The following GLI1 variants were observed in gnomAD, a reference collection of about 807,000 sequenced individuals.
GLI1 encodes the protein transcription activator GLI1.
In GLI1, 51 loss-of-function variants were observed where a neutral mutation model predicts 87.8. The observed-to-expected ratio is 0.58, with a 90% CI of 0.46 to 0.73. GLI1 has a LOEUF of 0.73. GLI1 is among the 30% of genes least tolerant of loss of function. The pLI is 0.00. For missense variants in GLI1, 1,292 were observed against 1,437.2 expected, an observed-to-expected ratio of 0.90 and a Z score of 1.63; for synonymous variants, 528 against 558.2, an observed-to-expected ratio of 0.95 and a Z score of 0.76.
rs764236015 is a variant in GLI1, at chr12:57,465,141, T to A, written c.420T>A (p.Asn140Lys). 1 of 1,614,174 alleles carries A rather than the reference T, an allele frequency of 6.2e-7. No individual in the cohort carries two copies. The highest frequency in any genetic ancestry group is 8.5e-7 in the Non-Finnish European group (1 of 1,179,980). Residue 140 changes from asparagine to lysine, a missense_variant, in exon 5 of 12, where the codon AAT (asparagine) becomes AAA (lysine). Transcript: ENST00000228682. ...CTCTGGGATTCCCAGCCCAGATGAA[T>A]CACCAAAAAGGGCCCTCGCCTTCCT... is the stretch of plus-strand genomic sequence containing the variant. ...SPSLGFPAQM[N>K]HQKGPSPSFG...
chr12:57,466,369 G>C lies in GLI1; in HGVS notation c.892G>C (p.Glu298Gln), dbSNP rs374948623. The C allele has an allele frequency of 6.2e-7, 1 of 1,613,480 alleles. No homozygotes were observed. Among genetic ancestry groups the C allele is most frequent in the Non-Finnish European group, 8.5e-7 (1 of 1,179,648 alleles). ...LVVHMRRHTG[E>Q]KPHKCTFEGC... ...GGTTCACATGCGCAGACACACTGGC[G>C]AGAAGCCACACAAGTGCACGGTGAG... Residue 298 changes from glutamate to glutamine, a missense_variant, in exon 8 of 12, where the codon GAG (glutamate) becomes CAG (glutamine). Around this residue, in one of 3 missense-constraint regions of GLI1, gnomAD observed 12 missense variants for 28.1 expected, o/e 0.43. Coordinates refer to ENST00000228682, the MANE Select transcript of GLI1 (RefSeq NM_005269.3).
chr12:57,465,734 A>G, intron 6 of GLI1, 38 bp downstream of exon 6: 2 of 1,613,852 alleles, frequency 1.2e-6, no homozygotes, highest in Non-Finnish European at 1.7e-6. Flanking sequence ...CTGGGACCTG[A>G]GCAAAACTAA....
In GLI1 at chr12:57,469,536, G is replaced by A; in HGVS notation, c.1414G>A (p.Gly472Arg). ...TGGTGTGGAAATGACTGGCAATGCAGGGGGCAGCACTGAAGACCTCTCCAG... is the reference window on the plus strand; with the variant it reads ...TGGTGTGGAAATGACTGGCAATGCAAGGGGCAGCACTGAAGACCTCTCCAG... ...DSGVEMTGNAGGSTEDLSSLD... is the reference protein window; with the variant it reads ...DSGVEMTGNARGSTEDLSSLD... Residue 472 changes from glycine (G) to arginine (R), a missense_variant, in exon 11 of 12, where the codon GGG (glycine) becomes AGG (arginine). Physicochemically the swap from Gly to Arg is moderately radical, Grantham distance 125 (BLOSUM62 -2). Transcript: ENST00000228682. 6.2e-7 allele frequency: 1 copy of A among 1,614,116 alleles called. No homozygotes were observed.
rs1486673896 is a variant in GLI1, at chr12:57,466,295, G to A, written c.818G>A (p.Gly273Glu). ...CGGAAGGAGTTCGTGTGCCACTGGG[G>A]GGGCTGCTCCAGGGAGCTGAGGCCC... is the stretch of plus-strand genomic sequence containing the variant. Reference protein sequence around the residue: ...GERKEFVCHWGGCSRELRPFK... With the variant: ...GERKEFVCHWEGCSRELRPFK... The change falls in exon 8 of 12, where the codon GGG becomes GAG. Residue 273 changes from glycine to glutamate, a missense_variant. Gly to Glu is a moderately conservative substitution (Grantham distance 98). Coordinates refer to ENST00000228682, the MANE Select transcript of GLI1 (RefSeq NM_005269.3). The A allele has an allele frequency of 1.2e-6, 2 of 1,614,048 alleles. No homozygotes were observed. The highest frequency in any genetic ancestry group is 1.7e-6 in the Non-Finnish European group (2 of 1,179,970).
chr12:57,465,757 A>G (rs754374678), intron 6 of GLI1, 31 bp from the exon 7 acceptor site: 11 of 1,613,926 alleles, frequency 6.8e-6, no homozygotes, highest in East Asian at 6.7e-5. Flanking sequence ...CTGTCACCCA[A>G]GTGACCCTGA....
chr12:57,460,307 C>T (rs1871049249), intron 1 of GLI1, 106 bp downstream of exon 1: 1 of 152,226 alleles, frequency 6.6e-6, no homozygotes, highest in African/African-American at 2.4e-5. Flanking sequence ...GACATAGAGG[C>T]AAAATAGGGG....
chr12:57,468,449 T>C (rs1359787304), intron 10 of GLI1, among the ~76,000 whole-genome samples: 1 of 152,036 alleles, frequency 6.6e-6, no homozygotes, highest in Non-Finnish European at 1.5e-5. Context: ...CTTCCTTCCT[T>C]CTTTCCTTCT....
intron 7 of GLI1, 82 bp from the exon 8 acceptor site, chr12:57,466,158 G>A (rs1350409571): frequency 3.5e-6 from 5 of 1,431,492 alleles, no homozygotes; most frequent in Non-Finnish European, 3.8e-6. Flanking sequence ...CGTGGAAGAG[G>A]AACAGGGGGT....
Position 57,471,139 on chromosome 12 carries a change from A to T in GLI1, c.2399A>T (p.Tyr800Phe), listed in dbSNP as rs1871891490. Residue 800 changes from tyrosine to phenylalanine, a missense_variant, in exon 12 of 12, where the codon TAC becomes TTC. Coordinates refer to ENST00000228682, the MANE Select transcript of GLI1 (RefSeq NM_005269.3). This position sits in a 1 kb window ranked among gnomAD's most constrained non-coding sequence, Gnocchi z 4.9. ...YPGPKALGGT[Y>F]SQCPRLEHYG... ...GGCCCCAAGGCTCTAGGTGGAACCT[A>T]CAGCCAGTGTCCTCGACTTGAACAT... 1.9e-6 allele frequency: 3 copies of T among 1,612,816 alleles called. No individual in the cohort carries two copies. The East Asian group carries it at 6.7e-5, about 36-fold the overall frequency.
rs1262535127 is a variant in GLI1, at chr12:57,471,038, T to C, written c.2298T>C (p.Cys766=). ...GPPTNYGPNP[C]PQQASYPDPT... ...CCACCAACTATGGCCCCAACCCCTGTCCCCAGCAGGCCTCATATCCTGACC... is the reference window on the plus strand; with the variant it reads ...CCACCAACTATGGCCCCAACCCCTGCCCCCAGCAGGCCTCATATCCTGACC... The change falls in exon 12 of 12, where the codon TGT becomes TGC. Residue 766 remains cysteine, a synonymous_variant. Coordinates refer to ENST00000228682, the MANE Select transcript of GLI1 (RefSeq NM_005269.3). This position sits in a 1 kb window ranked among gnomAD's most constrained non-coding sequence, Gnocchi z 4.9. 6.2e-7 allele frequency: 1 copy of C among 1,610,688 alleles called. No homozygotes were observed. The highest frequency in any genetic ancestry group is 1.1e-5 in the South Asian group (1 of 90,614).
intron 10 of GLI1, among the ~76,000 whole-genome samples, chr12:57,468,434 C>G (rs1281449134): frequency 1.3e-5 from 2 of 151,874 alleles, no homozygotes; most frequent in Admixed American, 6.6e-5. Context: ...CTCTTTCTCT[C>G]TCTCCTTCCT....
intron 1 of GLI1, among the ~76,000 whole-genome samples, chr12:57,463,311 A>G (rs958026439): frequency 6.6e-6 from 1 of 152,100 alleles, no homozygotes. Context: ...TCCGCCTCCC[A>G]GGTTCAAGCG....
intron 9 of GLI1, among the ~76,000 whole-genome samples, chr12:57,467,757 T>C (rs1871593224): frequency 6.6e-6 from 1 of 152,146 alleles, no homozygotes; most frequent in Non-Finnish European, 1.5e-5. Flanking sequence ...AACCCCTGGA[T>C]TTATGGGACC....
In GLI1 at chr12:57,465,648, G is replaced by A. The variant is rs2228225; in HGVS notation, c.576G>A (p.Glu192=). The A allele has an allele frequency of 0.58, 928,275 of 1,613,246 alleles. 278,212 individuals carry two copies. Among genetic ancestry groups the A allele is most frequent in the Middle Eastern group, 0.65 (3,944 of 6,062 alleles). Residue 192 remains glutamate (E), a synonymous_variant, in exon 6 of 12, where the codon GAG becomes GAA. Transcript: ENST00000228682. The part of the protein sequence containing the change: ...ELDMLVGKCR[E]EPLEGDMSSP... ...ACATGCTGGTTGGCAAGTGCCGGGA[G>A]GAACCCTTGGAAGGTGATATGTCCA... is the stretch of plus-strand genomic sequence containing the variant.
rs778646808 is a variant in GLI1, at chr12:57,464,069, A to T, written c.171A>T (p.Arg57Ser). 3.7e-6 allele frequency: 6 copies of T among 1,611,438 alleles called. No individual in the cohort carries two copies. The highest frequency in any genetic ancestry group is 1.7e-4 in the Middle Eastern group (1 of 6,052). ...GCCCCCACAGTTATGGGCCAGCCAG[A>T]GAGACCAACAGCTGCACCGAGGGTG... ...MSGPHSYGPA[R>S]ETNSCTEGPL... Residue 57 changes from arginine to serine, a missense_variant, in exon 3 of 12, where the codon AGA becomes AGT. Arg to Ser is a moderately radical substitution (Grantham distance 110). Around this residue, in one of 3 missense-constraint regions of GLI1, gnomAD observed 383 missense variants for 368.4 expected, o/e 1.04. Transcript: ENST00000228682.
rs1238490848 is a variant in GLI1, at chr12:57,468,096, A to C, written c.1180A>C (p.Thr394Pro). The C allele has an allele frequency of 6.2e-7, 1 of 1,614,122 alleles. No homozygotes were observed. Among genetic ancestry groups the C allele is most frequent in the Non-Finnish European group, 8.5e-7 (1 of 1,179,938 alleles). Residue 394 changes from threonine (T) to proline (P), a missense_variant, in exon 10 of 12, where the codon ACC becomes CCC. Physicochemically the swap from Thr to Pro is conservative, Grantham distance 38. Transcript: ENST00000228682. ...AGTGCATGGTCCTGACGCCCATGTG[A>C]CCAAACGGCACCGTGGGGATGGCCC... is the stretch of plus-strand genomic sequence containing the variant. Reference protein sequence around the residue: ...KTVHGPDAHVTKRHRGDGPLP... With the variant: ...KTVHGPDAHVPKRHRGDGPLP...
At position 57,472,091 on chromosome 12, in the gene GLI1, G is replaced by C. The variant is rs756206910; in HGVS notation, c.*30G>C. On this transcript the variant is annotated 3_prime_UTR_variant, in exon 12 of 12. Coordinates refer to ENST00000228682, the MANE Select transcript of GLI1 (RefSeq NM_005269.3). Reference sequence around the variant, plus strand: ...TAGGGAATCTCATCCATCACAGATCGCATTTCCTAAGGGGTTTCTATCCTT... The same window carrying C: ...TAGGGAATCTCATCCATCACAGATCCCATTTCCTAAGGGGTTTCTATCCTT... 1 of 1,410,116 alleles carries C rather than the reference G, an allele frequency of 7.1e-7. No homozygotes were observed. The highest frequency in any genetic ancestry group is 1.5e-5 in the African/African-American group (1 of 68,694). 87.4% of individuals were successfully genotyped at this position (1,410,116 alleles called of 1,614,324 possible).
Position 57,471,375 on chromosome 12 carries a change from C to G in GLI1, c.2635C>G (p.Pro879Ala). 6.2e-7 allele frequency: 1 copy of G among 1,607,784 alleles called. No homozygotes were observed. The highest frequency in any genetic ancestry group is 1.3e-5 in the African/African-American group (1 of 74,680). Residue 879 changes from proline (P) to alanine (A), a missense_variant, in exon 12 of 12, where the codon CCT becomes GCT. Coordinates refer to ENST00000228682, the MANE Select transcript of GLI1 (RefSeq NM_005269.3). This position sits in a 1 kb window ranked among gnomAD's most constrained non-coding sequence, Gnocchi z 4.9. ...PPDYLPSEPR[P>A]CLDFDSPTHS... ...TGATTATCTTCCTTCAGAACCCAGG[C>G]CTTGCCTGGACTTTGATTCCCCCAC...
Position 57,471,052 on chromosome 12 carries a change from C to T in GLI1, c.2312C>T (p.Ser771Leu), listed in dbSNP as rs763963114. The change falls in exon 12 of 12, where the codon TCA becomes TTA. Residue 771 changes from serine (S) to leucine (L), a missense_variant. Coordinates refer to ENST00000228682, the MANE Select transcript of GLI1 (RefSeq NM_005269.3). This position sits in a 1 kb window ranked among gnomAD's most constrained non-coding sequence, Gnocchi z 4.9. The part of the protein sequence containing the change: ...YGPNPCPQQA[S>L]YPDPTQETWG... ...CCCAACCCCTGTCCCCAGCAGGCCTCATATCCTGACCCCACCCAAGAAACA... is the reference window on the plus strand; with the variant it reads ...CCCAACCCCTGTCCCCAGCAGGCCTTATATCCTGACCCCACCCAAGAAACA... 27 of 1,611,134 alleles carry T rather than the reference C, an allele frequency of 1.7e-5. No homozygotes were observed. Among genetic ancestry groups the T allele is most frequent in the Middle Eastern group, 1.6e-4 (1 of 6,068 alleles).
Sources: gnomAD v4.1 joint callset for allele counts (sites outside exome capture counted in the v4.1 genomes callset) on GRCh38, gnomAD v4.1.1 for gene constraint, gnomAD v4.1.1 regional missense constraint, Gnocchi (gnomAD v3.1) non-coding constraint, MANE v1.5 for transcripts, NCBI Gene and HGNC (gene_info 2026-07-23, HGNC 2026-07-21) for gene names.